The following CDYL2 variants were observed in gnomAD, a reference collection of about 807,000 sequenced individuals.
CDYL2 encodes the protein chromodomain Y like 2, also known as chromodomain Y-like protein 2.
CDYL2 carries 23 observed loss-of-function variants against 49.4 expected under a neutral mutation model. The observed-to-expected ratio is 0.47, with a 90% CI of 0.34 to 0.66. The LOEUF (loss-of-function observed/expected upper bound fraction) is 0.66, where lower values mean the gene tolerates loss of function less well. CDYL2 is among the 30% of genes least tolerant of loss of function. The probability of loss-of-function intolerance (pLI) is 0.01; values close to 1 mark genes in which losing one functional copy is unlikely to be tolerated. For missense variants in CDYL2, 678 were observed against 656.4 expected, an observed-to-expected ratio of 1.03 and a Z score of -0.36; for synonymous variants, 360 against 268.8, an observed-to-expected ratio of 1.34 and a Z score of -3.32.
chr16:80,709,492 G>A (rs140547568), intron 1 of CDYL2, among the ~76,000 whole-genome samples: 11 of 151,328 alleles, frequency 7.3e-5, no homozygotes, highest in African/African-American at 2.7e-4. Context: ...TTTCGTCCAT[G>A]AGAAGCACTA....
intron 1 of CDYL2, among the ~76,000 whole-genome samples, chr16:80,753,057 T>C (rs1047388758): frequency 7.2e-5 from 11 of 152,212 alleles, no homozygotes; most frequent in African/African-American, 2.7e-4. Flanking sequence ...TTAAAATGCA[T>C]GACAACATTA....
At chr16:80,792,248 A>G (rs1441348599) in intron 1 of CDYL2, among the ~76,000 whole-genome samples, 3 of 152,174 alleles carry the variant, frequency 2.0e-5, no homozygotes, top group Non-Finnish European at 4.4e-5. Context: ...CCATACAATC[A>G]CTATAGTACA....
At chr16:80,637,356 G>A (rs1907881974) in intron 2 of CDYL2, among the ~76,000 whole-genome samples, 1 of 152,108 alleles carries the variant, frequency 6.6e-6, no homozygotes. Flanking sequence ...ATAAGAAAAA[G>A]ATGTTCTCTC....
chr16:80,658,539 A>G (rs1908905332), intron 2 of CDYL2, among the ~76,000 whole-genome samples: 1 of 152,204 alleles, frequency 6.6e-6, no homozygotes, highest in African/African-American at 2.4e-5. Flanking sequence ...AAATGAGTAA[A>G]TATATGATAT....
At chr16:80,750,251 AAAG>A (rs1424283939) in intron 1 of CDYL2, among the ~76,000 whole-genome samples, 7 of 152,072 alleles carry the variant, frequency 4.6e-5, no homozygotes, top group African/African-American at 1.7e-4. Context: ...AAAAAGTTAA[AAAG>A]AAGAAAAATA....
chr16:80,687,095 T>C (rs561212407), intron 1 of CDYL2, among the ~76,000 whole-genome samples: 1 of 152,366 alleles, frequency 6.6e-6, no homozygotes, highest in East Asian at 1.9e-4. Context: ...GCTCTTTTTG[T>C]GAACATTGTA....
intron 1 of CDYL2, among the ~76,000 whole-genome samples, chr16:80,729,552 A>G (rs1382747793): frequency 6.6e-6 from 1 of 152,046 alleles, no homozygotes; most frequent in Non-Finnish European, 1.5e-5. Context: ...CGAGACAGAA[A>G]GTCAACAAGG....
rs1216331930 is a variant in CDYL2 at position 80,598,625 on chromosome 16, T to C, written c.*5763A>G. ...CATATTCAGATGGAGGAGTCTACAC[T>C]GGCCAGATAACCTGGAGGAGTACCA... On this transcript the variant is annotated 3_prime_UTR_variant, in exon 7 of 7. Transcript: ENST00000570137. 6.6e-6 allele frequency: 1 copy of C among 152,202 alleles called. No homozygotes were observed. Among genetic ancestry groups the C allele is most frequent in the African/African-American group, 2.4e-5 (1 of 41,424 alleles). The allele number at this position is 152,202 out of a possible 1,614,324, so 9.4% of individuals were successfully genotyped here. A position where few individuals can be genotyped will look rare whatever the true frequency, so the allele number is the denominator to read the frequency against.
chr16:80,763,160 T>A (rs952266727), intron 1 of CDYL2, among the ~76,000 whole-genome samples: 1 of 126,326 alleles, frequency 7.9e-6, no homozygotes. Flanking sequence ...ACTAATCCTG[T>A]ATTCCCACCA....
intron 1 of CDYL2, among the ~76,000 whole-genome samples, chr16:80,720,092 G>A (rs80021005): frequency 2.2e-3 from 336 of 152,304 alleles, no homozygotes; most frequent in African/African-American, 6.5e-3. Flanking sequence ...GCAGAAATGG[G>A]CAGGTAGAGA....
intron 1 of CDYL2, among the ~76,000 whole-genome samples, chr16:80,776,023 A>G (rs1183132675): frequency 6.6e-6 from 1 of 152,024 alleles, no homozygotes; most frequent in East Asian, 1.9e-4. Flanking sequence ...CATAATGCAT[A>G]AAAACTTGAA....
At chr16:80,721,354 T>C (rs1904992705) in intron 1 of CDYL2, among the ~76,000 whole-genome samples, 1 of 152,204 alleles carries the variant, frequency 6.6e-6, no homozygotes, top group Admixed American at 6.5e-5. Context: ...TGAAGTCATG[T>C]AGCAAACACA....
intron 2 of CDYL2, among the ~76,000 whole-genome samples, chr16:80,669,025 G>A (rs1909388893): frequency 6.6e-6 from 1 of 151,976 alleles, no homozygotes; most frequent in African/African-American, 2.4e-5. Flanking sequence ...GAGAAGAGAG[G>A]AGAGGAAAAA....
intron 3 of CDYL2, among the ~76,000 whole-genome samples, chr16:80,621,600 T>A (rs1907087362): frequency 6.6e-6 from 1 of 152,224 alleles, no homozygotes; most frequent in African/African-American, 2.4e-5. Flanking sequence ...CAGTGAAGAA[T>A]AAATGAAAGG....
chr16:80,638,383 A>G (rs191463466), intron 2 of CDYL2, among the ~76,000 whole-genome samples: 59 of 152,280 alleles, frequency 3.9e-4, no homozygotes, highest in Non-Finnish European at 7.6e-4. Context: ...CCAAGACTCA[A>G]TATTTTTAAT....
chr16:80,800,356 G>A (rs1002317996), intron 1 of CDYL2, among the ~76,000 whole-genome samples: 3 of 152,152 alleles, frequency 2.0e-5, no homozygotes, highest in Non-Finnish European at 2.9e-5. Flanking sequence ...AGAGACAAGA[G>A]GGAAGCAAAG....
At chr16:80,604,688 C>A in intron 6 of CDYL2, 142 bp from the exon 7 acceptor site, 1 of 792,180 alleles carries the variant, frequency 1.3e-6, no homozygotes, top group South Asian at 1.6e-5. Context: ...CCTTCCCAGT[C>A]CCATGTTTCC....
chr16:80,643,360 T>G (rs1334117751), intron 2 of CDYL2, among the ~76,000 whole-genome samples: 1 of 152,186 alleles, frequency 6.6e-6, no homozygotes, highest in Non-Finnish European at 1.5e-5. Flanking sequence ...TGGGTTGGCA[T>G]TGAGTGTCTG....
chr16:80,730,163 T>G (rs1191648514), intron 1 of CDYL2, among the ~76,000 whole-genome samples: 1 of 151,968 alleles, frequency 6.6e-6, no homozygotes, highest in Non-Finnish European at 1.5e-5. Flanking sequence ...GAATCCAGGA[T>G]CTAGTTTTTT....
Sources: gnomAD v4.1 joint callset for allele counts (sites outside exome capture counted in the v4.1 genomes callset) on GRCh38, gnomAD v4.1.1 for gene constraint, MANE v1.5 for transcripts, NCBI Gene and HGNC (gene_info 2026-07-23, HGNC 2026-07-21) for gene names.